Variants in TEX11 observed in about 807,000 individuals in gnomAD.
TEX11 encodes the protein testis expressed 11, also known as testis-expressed protein 11.
Under a neutral mutation model 84.4 loss-of-function variants are expected in TEX11, and 7 were observed. The observed-to-expected ratio is 0.08, with a 90% CI of 0.05 to 0.16. The LOEUF is 0.16. Among genes scored for constraint, TEX11 ranks in the 10% least tolerant of loss-of-function variants. TEX11 has a pLI of 1.00. For missense variants in TEX11, 551 were observed against 660.5 expected, an observed-to-expected ratio of 0.83 and a Z score of 1.82; for synonymous variants, 264 against 222.8, an observed-to-expected ratio of 1.18 and a Z score of -1.64.
At chrX:70,654,169 C>T (rs1254442126) in intron 16 of TEX11, among the ~76,000 whole-genome samples, 1 of 111,509 alleles carries the variant, frequency 9.0e-6, no homozygotes. Context: ...ATGTAAACTA[C>T]GGACTTTAGT....
At chrX:70,601,624 G>A (rs1259271004) in intron 24 of TEX11, among the ~76,000 whole-genome samples, 3 of 95,072 alleles carry the variant, frequency 3.2e-5, no homozygotes, top group Admixed American at 1.2e-4. Context: ...GTGGAGGGAA[G>A]GTCAGCAGAT....
intron 9 of TEX11, among the ~76,000 whole-genome samples, chrX:70,751,995 A>T (rs778786349): frequency 2.7e-5 from 3 of 112,454 alleles, no homozygotes; most frequent in Non-Finnish European, 5.6e-5. Flanking sequence ...AATATATTCG[A>T]TAACGATTAA....
chrX:70,719,433 T>A (rs1603235691), intron 13 of TEX11, among the ~76,000 whole-genome samples: 1 of 111,764 alleles, frequency 8.9e-6, no homozygotes, highest in Admixed American at 9.6e-5. Context: ...ACACCACAAA[T>A]AAATATGCTT....
intron 13 of TEX11, among the ~76,000 whole-genome samples, chrX:70,718,940 C>A (rs1194010728): frequency 9.0e-6 from 1 of 111,529 alleles, no homozygotes; most frequent in Non-Finnish European, 1.9e-5. Context: ...CAGCTGCATC[C>A]CCTTCCCTTC....
chrX:70,516,696 A>G, the TEX11 span, among the ~76,000 whole-genome samples: 2 of 110,555 alleles, frequency 1.8e-5, no homozygotes. Context: ...CATTGAATCT[A>G]TAAATTACCT....
At chrX:70,728,671 C>T (rs756618372) in intron 11 of TEX11, among the ~76,000 whole-genome samples, 1 of 108,314 alleles carries the variant, frequency 9.2e-6, no homozygotes, top group African/African-American at 3.4e-5. Context: ...CTGGGAAGCT[C>T]GAACTGGGTG....
intron 7 of TEX11, among the ~76,000 whole-genome samples, chrX:70,843,016 G>A (rs927109286): frequency 1.9e-4 from 21 of 111,710 alleles, no homozygotes; most frequent in Non-Finnish European, 3.0e-4. Context: ...CATGCTCATG[G>A]GTAGAAAGAA....
At chrX:70,878,821 T>C (rs1360092616) in intron 3 of TEX11, among the ~76,000 whole-genome samples, 2 of 110,037 alleles carry the variant, frequency 1.8e-5, no homozygotes, top group Non-Finnish European at 3.8e-5. Context: ...AATCTGTACA[T>C]GAGTATTTAT....
At chrX:70,794,604 C>A (rs1020772696) in intron 9 of TEX11, among the ~76,000 whole-genome samples, 21 of 108,500 alleles carry the variant, frequency 1.9e-4, no homozygotes, top group Non-Finnish European at 3.4e-4. Context: ...GTAAACAGGG[C>A]TTGGTCTTGC....
chrX:70,743,498 A>G (rs2090746956), intron 10 of TEX11, among the ~76,000 whole-genome samples: 1 of 112,089 alleles, frequency 8.9e-6, no homozygotes, highest in Admixed American at 9.6e-5. Flanking sequence ...GCTTGATTAC[A>G]TATTAAGATT....
At chrX:70,898,071 G>A (rs2091783014) in intron 2 of TEX11, among the ~76,000 whole-genome samples, 1 of 111,415 alleles carries the variant, frequency 9.0e-6, no homozygotes, top group Non-Finnish European at 1.9e-5. Flanking sequence ...AACATTTCTT[G>A]AATGCCTGGT....
At chrX:70,797,410 G>A (rs755298460) in intron 9 of TEX11, among the ~76,000 whole-genome samples, 162 of 111,005 alleles carry the variant, frequency 1.5e-3, no homozygotes, top group Admixed American at 1.9e-3. Flanking sequence ...TCACAACCAA[G>A]GAAAACACAG....
chrX:70,678,327 C>A (rs2090092337), intron 15 of TEX11, among the ~76,000 whole-genome samples: 1 of 110,528 alleles, frequency 9.0e-6, no homozygotes, highest in Non-Finnish European at 1.9e-5. Context: ...TACGTCCCAT[C>A]TGATTTATAT....
At chrX:70,546,277 A>G (rs1306120253) in intron 28 of TEX11, among the ~76,000 whole-genome samples, 1 of 112,108 alleles carries the variant, frequency 8.9e-6, no homozygotes, top group Non-Finnish European at 1.9e-5. Context: ...CATGTCAGAG[A>G]TAAAAGTATA....
At chrX:70,576,349 C>T (rs1173909588) in intron 25 of TEX11, among the ~76,000 whole-genome samples, 1 of 112,022 alleles carries the variant, frequency 8.9e-6, no homozygotes, top group Non-Finnish European at 1.9e-5. Flanking sequence ...TACTGACATA[C>T]TGGGCTCATT....
chrX:70,629,715 A>C lies in TEX11; in HGVS notation c.1504T>G (p.Leu502Val), dbSNP rs1351844566. 1 of 1,177,574 alleles carries C rather than the reference A, an allele frequency of 8.5e-7. No homozygotes were observed. Among genetic ancestry groups the C allele is most frequent in the Non-Finnish European group, 1.1e-6 (1 of 871,734 alleles). ...SERALQAIIT[L>V]ENILTDEESE... Reference sequence around the variant, plus strand: ...TCTTCATCTGTTAATATATTCTCTAAAGTAATTATTGCCTGCAAAGCTGAA... The same window carrying C: ...TCTTCATCTGTTAATATATTCTCTACAGTAATTATTGCCTGCAAAGCTGAA... The change falls in exon 18 of 30, where the codon TTA (leucine) becomes GTA (valine). Residue 502 changes from leucine (L) to valine (V), a missense_variant. Coordinates refer to ENST00000374333, the MANE Select transcript of TEX11 (RefSeq NM_031276.3).
rs1469609785 is a variant in TEX11, at chrX:70,867,692, A to G, written c.244+5531T>C. Among the ~76,000 whole-genome samples the G allele has an allele frequency of 2.7e-5, 3 of 111,096 alleles. No individual in the cohort carries two copies. The East Asian group carries it at 8.4e-4, about 31-fold the overall frequency. On this transcript the variant is annotated intron_variant, in intron 4 of 29. Transcript: ENST00000374333. ...AAAACAAATATATATACACCAATGG[A>G]ACAGAACAGAGGCTTCAGAAATAAC...
chrX:70,522,253 T>C, the TEX11 span, among the ~76,000 whole-genome samples: 2 of 111,553 alleles, frequency 1.8e-5, no homozygotes, highest in Non-Finnish European at 3.8e-5. Flanking sequence ...CTCACAGGAA[T>C]CACTAAGGAG....
intron 13 of TEX11, among the ~76,000 whole-genome samples, chrX:70,705,646 A>G (rs1265016959): frequency 6.2e-5 from 7 of 112,109 alleles, no homozygotes; most frequent in African/African-American, 2.3e-4. Flanking sequence ...AAAAGTGGGC[A>G]AAGGATATGA....
Sources: allele counts gnomAD v4.1 joint callset (sites outside exome capture counted in the v4.1 genomes callset), GRCh38; gene constraint gnomAD v4.1.1; transcripts MANE v1.5; gene names NCBI Gene and HGNC (gene_info 2026-07-23, HGNC 2026-07-21).